Variants in ZNF81 observed in about 807,000 individuals in gnomAD.
The protein encoded by ZNF81 is zinc finger protein 81.
ZNF81 carries 5 observed loss-of-function variants against 32.3 expected under a neutral mutation model. That is an observed-to-expected ratio of 0.15 (90% CI 0.08 to 0.33). ZNF81 has a LOEUF of 0.33. Among genes scored for constraint, ZNF81 ranks in the 10% least tolerant of loss-of-function variants. The pLI is 1.00. For synonymous variants in ZNF81, 163 were observed against 166.8 expected (o/e 0.98, Z 0.17); for missense variants, 379 against 479.8 (o/e 0.79, Z 1.96).
chrX:47,840,800 G>C (rs1284375702), intron 1 of ZNF81, among the ~76,000 whole-genome samples: 15 of 112,148 alleles, frequency 1.3e-4, no homozygotes, highest in African/African-American at 4.9e-4. Context: ...GAGCCACCGC[G>C]CCCGGCGAGC....
rs1314223702 is a variant in ZNF81 at position 47,861,044 on chromosome X, A to G, written c.54+14723A>G. ...CTTTATAATAAACCAGTAAATGTAA[A>G]TAAGTGTTTTACTGAGTTCTATGAG... On this transcript the variant is annotated intron_variant, in intron 2 of 4. Transcript: ENST00000338637. The G allele has an allele frequency of 6.2e-5, 7 of 112,065 alleles. No homozygotes were observed. The East Asian group carries it at 2.0e-3, about 31-fold the overall frequency. The allele number at this position is 112,065 out of a possible 1,213,427, so 9.2% of individuals were successfully genotyped here. A position where few individuals can be genotyped will look rare whatever the true frequency, so the allele number is the denominator to read the frequency against.
chrX:47,870,096 G>T (rs2058574667), intron 2 of ZNF81, among the ~76,000 whole-genome samples: 1 of 112,079 alleles, frequency 8.9e-6, no homozygotes, highest in East Asian at 2.8e-4. Context: ...TCATGTAGAT[G>T]AAATCTCCTG....
chrX:47,842,923 GTTTCT>G (rs1284020646), intron 1 of ZNF81, among the ~76,000 whole-genome samples: 3 of 112,187 alleles, frequency 2.7e-5, no homozygotes, highest in Non-Finnish European at 5.6e-5. Context: ...ACCACACTCG[GTTTCT>G]TTTCTTTTCT....
At chrX:47,906,963 T>G (rs1331487378) in intron 4 of ZNF81, among the ~76,000 whole-genome samples, 1 of 111,990 alleles carries the variant, frequency 8.9e-6, no homozygotes, top group Non-Finnish European at 1.9e-5. Context: ...CTGAAAAAGA[T>G]TGGTTGATAG....
At chrX:47,867,316 A>G (rs2058563860) in intron 2 of ZNF81, among the ~76,000 whole-genome samples, 1 of 112,267 alleles carries the variant, frequency 8.9e-6, no homozygotes. Context: ...TTAAAAATTC[A>G]TACACATATC....
At chrX:47,865,570 A>T (rs922247636) in intron 2 of ZNF81, among the ~76,000 whole-genome samples, 1 of 111,652 alleles carries the variant, frequency 9.0e-6, no homozygotes, top group Non-Finnish European at 1.9e-5. Context: ...AGGAGCAGAG[A>T]ATGTGCCACA....
At chrX:47,848,303 C>A (rs1218514345) in intron 2 of ZNF81, among the ~76,000 whole-genome samples, 1 of 111,863 alleles carries the variant, frequency 8.9e-6, no homozygotes, top group Non-Finnish European at 1.9e-5. Flanking sequence ...CTCTGCTTTT[C>A]TAAAACTCTT....
intron 2 of ZNF81, among the ~76,000 whole-genome samples, chrX:47,855,219 A>G (rs1569375439): frequency 9.0e-6 from 1 of 111,207 alleles, no homozygotes; most frequent in Non-Finnish European, 1.9e-5. Flanking sequence ...TCCACCTTAA[A>G]AAAAAGAGAA....
intron 2 of ZNF81, among the ~76,000 whole-genome samples, chrX:47,848,868 G>A (rs1174670243): frequency 9.0e-6 from 1 of 111,497 alleles, no homozygotes; most frequent in African/African-American, 3.3e-5. Context: ...AAGCTCCATG[G>A]TCTAAATTCT....
In ZNF81 at chrX:47,919,473, GT is replaced by G. The variant is rs1320349652; in HGVS notation, c.*2845del. 1.0e-5 allele frequency: 2 copies of G among 198,571 alleles called. No homozygotes were observed. The highest frequency in any genetic ancestry group is 1.9e-5 in the Non-Finnish European group (2 of 106,216). The allele number at this position is 198,571 out of a possible 1,213,427, so 16.4% of individuals were successfully genotyped here. ...TCCCCATCTTTTCATGCATGTTCAT[GT>G]TTTCCCCTTTACCCTTTGTCTTAGT... On this transcript the variant is annotated 3_prime_UTR_variant, in exon 5 of 5. Coordinates refer to ENST00000338637, the MANE Select transcript of ZNF81 (RefSeq NM_007137.5).
Position 47,895,796 on chromosome X carries a change from A to T in ZNF81, c.182-49A>T, listed in dbSNP as rs187182299. 6.9e-5 allele frequency: 68 copies of T among 980,173 alleles called. No individual in the cohort carries two copies. The Middle Eastern group carries it at 3.4e-3, about 49-fold the overall frequency. 80.8% of individuals were successfully genotyped at this position (980,173 alleles called of 1,213,427 possible). On this transcript the variant is annotated intron_variant, in intron 3 of 4. Coordinates refer to ENST00000338637, the MANE Select transcript of ZNF81 (RefSeq NM_007137.5). ...ATGTGGTTACTTCTCCAAAGAACAAATGGAAAGCAATTTGCTGGACCCAAT... is the reference window on the plus strand; with the variant it reads ...ATGTGGTTACTTCTCCAAAGAACAATTGGAAAGCAATTTGCTGGACCCAAT...
At chrX:47,838,975 G>A (rs1250800051) in intron 1 of ZNF81, among the ~76,000 whole-genome samples, 3 of 110,803 alleles carry the variant, frequency 2.7e-5, no homozygotes, top group Non-Finnish European at 5.7e-5. Context: ...TTTGTAAACC[G>A]GGTCTCACTA....
rs979540323 is a variant in ZNF81 at position 47,925,482 on chromosome X, G to A, written c.*8850G>A. Among the ~76,000 whole-genome samples, 8 of 111,935 alleles carry A rather than the reference G, an allele frequency of 7.1e-5. No homozygotes were observed. Among genetic ancestry groups the A allele is most frequent in the Admixed American group, 3.8e-4 (4 of 10,554 alleles). ...GAGATTCATTCATGTTGTTATATGCGTCTATGTTCATTCCTTTTTATTGCT... is the reference window on the plus strand; with the variant it reads ...GAGATTCATTCATGTTGTTATATGCATCTATGTTCATTCCTTTTTATTGCT... On this transcript the variant is annotated 3_prime_UTR_variant, in exon 5 of 5. Coordinates refer to ENST00000338637, the MANE Select transcript of ZNF81 (RefSeq NM_007137.5).
At chrX:47,845,544 T>C (rs1162674264) in intron 1 of ZNF81, among the ~76,000 whole-genome samples, 6 of 112,148 alleles carry the variant, frequency 5.4e-5, no homozygotes, top group African/African-American at 1.9e-4. Context: ...GAACCTACCA[T>C]GGAAAAGGTA....
chrX:47,905,867 A>G (rs1556889125), intron 4 of ZNF81, among the ~76,000 whole-genome samples: 2 of 112,420 alleles, frequency 1.8e-5, no homozygotes, highest in East Asian at 5.5e-4. Context: ...CTTTACTGAC[A>G]GTGAATGTAA....
intron 4 of ZNF81, among the ~76,000 whole-genome samples, chrX:47,900,163 GAAA>G (rs1425080389): frequency 9.0e-6 from 1 of 111,383 alleles, no homozygotes; most frequent in Non-Finnish European, 1.9e-5. Flanking sequence ...TGAGGAAGAA[GAAA>G]AAGTACGGAG....
chrX:47,880,732 G>GC (rs1477490454), intron 2 of ZNF81, among the ~76,000 whole-genome samples: 1 of 112,032 alleles, frequency 8.9e-6, no homozygotes, highest in East Asian at 2.8e-4. Context: ...TCAGACTCCA[G>GC]CATACTTACC....
intron 2 of ZNF81, among the ~76,000 whole-genome samples, chrX:47,880,949 G>C (rs1437454229): frequency 1.8e-5 from 2 of 111,500 alleles, no homozygotes; most frequent in Admixed American, 1.9e-4. Flanking sequence ...GGTGGTGCAG[G>C]GTATCACATG....
chrX:47,880,975 G>A (rs1209471166), intron 2 of ZNF81, among the ~76,000 whole-genome samples: 1 of 111,830 alleles, frequency 8.9e-6, no homozygotes, highest in Non-Finnish European at 1.9e-5. Context: ...GGGATTGAGT[G>A]TGCTAGCTCA....
Sources: gnomAD v4.1 joint callset for allele counts (sites outside exome capture counted in the v4.1 genomes callset) on GRCh38, gnomAD v4.1.1 for gene constraint, MANE v1.5 for transcripts, NCBI Gene and HGNC (gene_info 2026-07-23, HGNC 2026-07-21) for gene names.